The following TBXAS1 variants were observed in gnomAD, a reference collection of about 807,000 sequenced individuals.
TBXAS1 encodes the protein thromboxane-A synthase.
A neutral mutation model predicts 60.7 loss-of-function variants in TBXAS1; 48 were observed. That is an observed-to-expected ratio of 0.79 (90% CI 0.63 to 1.01). The LOEUF (loss-of-function observed/expected upper bound fraction) is 1.01. TBXAS1 is among the 50% of genes least tolerant of loss of function. The pLI, the probability that TBXAS1 is intolerant of heterozygous loss-of-function variation, is 0.00. For synonymous variants in TBXAS1, 287 were observed against 269.7 expected (o/e 1.06, Z -0.63); for missense variants, 685 against 686.3 (o/e 1.00, Z 0.02).
intron 7 of TBXAS1, 84 bp from the exon 8 acceptor site, chr7:139,957,550 G>A: frequency 1.9e-6 from 3 of 1,599,534 alleles, no homozygotes; most frequent in South Asian, 1.1e-5. Context: ...CCAGGCCCGC[G>A]TTTGCTTCCC....
chr7:139,829,022 C>T, upstream of TBXAS1: 1 of 373,906 alleles, frequency 2.7e-6, no homozygotes, highest in Non-Finnish European at 5.2e-6. Flanking sequence ...GGAGAAGAGT[C>T]TCTCTTTGAA....
At chr7:139,823,874 T>G (rs1196983388) in intron 4 of TBXAS1, among the ~76,000 whole-genome samples, 1 of 152,152 alleles carries the variant, frequency 6.6e-6, no homozygotes, top group African/African-American at 2.4e-5. Context: ...GTTAGAGAAT[T>G]TCTTGGTACT....
chr7:139,892,285 T>C (rs1803680312), intron 3 of TBXAS1, among the ~76,000 whole-genome samples: 1 of 152,128 alleles, frequency 6.6e-6, no homozygotes, highest in Non-Finnish European at 1.5e-5. Context: ...TCATTTATCA[T>C]TTTCTTCCCT....
chr7:139,923,499 T>C (rs1333757690), intron 4 of TBXAS1, among the ~76,000 whole-genome samples: 2 of 151,892 alleles, frequency 1.3e-5, no homozygotes, highest in African/African-American at 2.4e-5. Flanking sequence ...ATGGGGTATA[T>C]GAAATATTTT....
At position 140,020,092 on chromosome 7, in the gene TBXAS1, C is replaced by A. The variant is rs1815432936; in HGVS notation, c.1595C>A (p.Ser532Tyr). 3 of 1,613,876 alleles carry A rather than the reference C, an allele frequency of 1.9e-6. No individual in the cohort carries two copies. The highest frequency in any genetic ancestry group is 2.5e-6 in the Non-Finnish European group (3 of 1,179,958). The change falls in exon 13 of 13, where the codon TCC (serine) becomes TAC (tyrosine). Residue 532 changes from serine (S) to tyrosine (Y), a missense_variant. Transcript: ENST00000448866. ...AATGGTGTCTATATCAAGATCGTAT[C>A]CCGCTGACACAGAAGGCTGCCGGGT... ...PKNGVYIKIVSR is the reference protein window; with the variant it reads ...PKNGVYIKIVYR
At chr7:139,962,886 C>G (rs566981397) in intron 9 of TBXAS1, 1 of 153,076 alleles carries the variant, frequency 6.5e-6, no homozygotes, top group East Asian at 1.9e-4. Context: ...CATGAGTTGT[C>G]AAAGAGATTC....
At chr7:139,925,271 T>A (rs1376589997) in intron 4 of TBXAS1, among the ~76,000 whole-genome samples, 1 of 152,246 alleles carries the variant, frequency 6.6e-6, no homozygotes, top group Non-Finnish European at 1.5e-5. Context: ...ATTCTTCCAA[T>A]TCATGAGTAT....
intron 9 of TBXAS1, among the ~76,000 whole-genome samples, chr7:139,966,301 A>G (rs1584969348): frequency 1.3e-5 from 2 of 152,374 alleles, no homozygotes; most frequent in African/African-American, 4.8e-5. Context: ...CCTCCAAGAA[A>G]GAGCAGATAT....
At chr7:139,886,126 C>G (rs940650093) in intron 3 of TBXAS1, among the ~76,000 whole-genome samples, 4 of 152,146 alleles carry the variant, frequency 2.6e-5, no homozygotes, top group Non-Finnish European at 5.9e-5. Flanking sequence ...TTTTATGATG[C>G]CTGCTTGCCT....
At chr7:139,993,868 T>C (rs1189872358) in intron 9 of TBXAS1, among the ~76,000 whole-genome samples, 1 of 151,820 alleles carries the variant, frequency 6.6e-6, no homozygotes, top group Non-Finnish European at 1.5e-5. Context: ...TTTGCTTTGC[T>C]TTGCTTTTTC....
chr7:139,997,851 T>C (rs1200873202), intron 9 of TBXAS1, among the ~76,000 whole-genome samples: 1 of 152,240 alleles, frequency 6.6e-6, no homozygotes, highest in African/African-American at 2.4e-5. Context: ...ACATCCCTCA[T>C]GACCCGGCAG....
chr7:139,853,856 C>A (rs1800394753), intron 1 of TBXAS1, among the ~76,000 whole-genome samples: 1 of 152,160 alleles, frequency 6.6e-6, no homozygotes, highest in South Asian at 2.1e-4. Context: ...ACATTGTGTT[C>A]TCCTGCTCTT....
chr7:139,832,346 G>A (rs1310414249), intron 1 of TBXAS1, among the ~76,000 whole-genome samples: 3 of 151,658 alleles, frequency 2.0e-5, no homozygotes, highest in Admixed American at 1.3e-4. Flanking sequence ...AATAGAACAA[G>A]TAGAAGAAGG....
chr7:139,868,539 A>T (rs1584722833), intron 1 of TBXAS1, among the ~76,000 whole-genome samples: 1 of 151,608 alleles, frequency 6.6e-6, no homozygotes, highest in Non-Finnish European at 1.5e-5. Flanking sequence ...GCTGGAGTGT[A>T]CTGGTACAAA....
rs145561178 is a variant in TBXAS1, at chr7:139,863,537, T to C, written c.90-8698T>C. 4.4e-4 allele frequency among the ~76,000 whole-genome samples: 67 copies of C among 152,336 alleles called. 1 individual carries two copies. The East Asian group carries it at 0.011, about 25-fold the overall frequency. The stretch of plus-strand genomic sequence containing the variant: ...CTGAGGTTTGCATGTGTACATCTTA[T>C]AGCACATTGATATTCAGAAGTTTCC... On this transcript the variant is annotated intron_variant, in intron 1 of 12. Coordinates refer to ENST00000448866, the MANE Select transcript of TBXAS1 (RefSeq NM_001061.7).
At chr7:139,951,904 A>AAGG (rs1809354510) in intron 5 of TBXAS1, among the ~76,000 whole-genome samples, 3 of 30,294 alleles carry the variant, frequency 9.9e-5, no homozygotes, top group Admixed American at 4.1e-4. Flanking sequence ...GGAAGGAAAG[A>AAGG]AAGAGAAAGA....
chr7:139,974,873 G>A (rs897885655), intron 9 of TBXAS1, among the ~76,000 whole-genome samples: 3 of 152,192 alleles, frequency 2.0e-5, no homozygotes, highest in Non-Finnish European at 4.4e-5. Flanking sequence ...TGTATGAAGT[G>A]GGAGTTATCA....
Position 139,917,564 on chromosome 7 carries a change from G to C in TBXAS1, c.333+6243G>C, listed in dbSNP as rs553329160. Among the ~76,000 whole-genome samples, 312 of 152,308 alleles carry C rather than the reference G, an allele frequency of 2.0e-3. 1 individual carries two copies. Among genetic ancestry groups the C allele is most frequent in the Admixed American group, 4.2e-3 (64 of 15,300 alleles). On this transcript the variant is annotated intron_variant, in intron 4 of 12. Transcript: ENST00000448866. ...ACATGGCTAAGTCCTAGAAAAGCCAGATCCATGGCATTACATTTAATCAGT... is the reference window on the plus strand; with the variant it reads ...ACATGGCTAAGTCCTAGAAAAGCCACATCCATGGCATTACATTTAATCAGT...
chr7:139,992,238 T>C (rs115195076), intron 9 of TBXAS1, among the ~76,000 whole-genome samples: 1,925 of 152,324 alleles, frequency 0.013, 35 homozygotes, highest in African/African-American at 0.045. Context: ...TGAGCAATCA[T>C]GAAAACTCCA....
Sources: gnomAD v4.1 joint callset for allele counts (sites outside exome capture counted in the v4.1 genomes callset) on GRCh38, gnomAD v4.1.1 for gene constraint, MANE v1.5 for transcripts, NCBI Gene and HGNC (gene_info 2026-07-23, HGNC 2026-07-21) for gene names.